Variants in SLC20A2 observed in about 807,000 individuals in gnomAD.
SLC20A2 encodes solute carrier family 20 member 2.
Under a neutral mutation model 61.0 loss-of-function variants are expected in SLC20A2, and 30 were observed. The observed-to-expected ratio is 0.49, with a 90% CI of 0.37 to 0.67. The LOEUF (loss-of-function observed/expected upper bound fraction) is 0.67, where lower values mean the gene tolerates loss of function less well. Among genes scored for constraint, SLC20A2 ranks in the 30% least tolerant of loss-of-function variants. SLC20A2 has a pLI of 0.00. For missense variants in SLC20A2, 626 were observed against 866.4 expected (o/e 0.72, Z 3.48); for synonymous variants, 351 against 353.3 (o/e 0.99, Z 0.07).
chr8:42,425,305 CA>C (rs1375284616), intron 10 of SLC20A2, among the ~76,000 whole-genome samples: 2 of 152,172 alleles, frequency 1.3e-5, no homozygotes, highest in Non-Finnish European at 2.9e-5. Flanking sequence ...AATACCCTTT[CA>C]ATGTTTCCAG....
intron 8 of SLC20A2, among the ~76,000 whole-genome samples, chr8:42,435,342 C>T (rs1804168221): frequency 6.6e-6 from 1 of 152,036 alleles, no homozygotes. Flanking sequence ...CGGCACAGTC[C>T]CCTGAAAGGT....
At chr8:42,506,380 T>A (rs1024641430) in intron 1 of SLC20A2, among the ~76,000 whole-genome samples, 1 of 152,200 alleles carries the variant, frequency 6.6e-6, no homozygotes, top group African/African-American at 2.4e-5. Context: ...AAAATGGGGA[T>A]AATGTTGCTG....
chr8:42,464,123 T>TTTTA (rs869138901), intron 3 of SLC20A2, among the ~76,000 whole-genome samples: 1 of 116,936 alleles, frequency 8.6e-6, no homozygotes, highest in African/African-American at 3.9e-5. Flanking sequence ...TTTTTTTTTT[T>TTTTA]GAGACAGGGT....
intron 2 of SLC20A2, among the ~76,000 whole-genome samples, chr8:42,469,468 G>C (rs774734863): frequency 5.9e-5 from 9 of 152,286 alleles, no homozygotes; most frequent in Admixed American, 4.6e-4. Context: ...GCCAGGGGTG[G>C]GGAACGGAGA....
Position 42,428,785 on chromosome 8 carries a change from C to A in SLC20A2, c.1767G>T (p.Gly589=). 4 of 1,611,322 alleles carry A rather than the reference C, an allele frequency of 2.5e-6. No individual in the cohort carries two copies. The highest frequency in any genetic ancestry group is 3.4e-6 in the Non-Finnish European group (4 of 1,178,876). ...AFTVVIASNI[G]LPVSTTHCKV... ...TACAGTGCGTGGTGCTGACTGGAAGCCCGATGTTGGAGGCGATCACCACTG... is the reference window on the plus strand; with the variant it reads ...TACAGTGCGTGGTGCTGACTGGAAGACCGATGTTGGAGGCGATCACCACTG... Residue 589 remains glycine, a synonymous_variant, in exon 10 of 11, where the codon GGG becomes GGT. Coordinates refer to ENST00000520262, the MANE Select transcript of SLC20A2 (RefSeq NM_001257180.2).
intron 1 of SLC20A2, among the ~76,000 whole-genome samples, chr8:42,526,455 C>T (rs1811946943): frequency 6.6e-6 from 1 of 151,996 alleles, no homozygotes; most frequent in Non-Finnish European, 1.5e-5. Flanking sequence ...GGGCGGATCA[C>T]TAGGTCAGGA....
At position 42,444,739 on chromosome 8, in the gene SLC20A2, A is replaced by C; in HGVS notation, c.637T>G (p.Trp213Gly). Residue 213 changes from tryptophan to glycine, a missense_variant, in exon 6 of 11, where the codon TGG (tryptophan) becomes GGG (glycine). Physicochemically the swap from Trp to Gly is radical, Grantham distance 184. Around this residue, in one of 3 missense-constraint regions of SLC20A2, gnomAD observed 361 missense variants for 422.3 expected, o/e 0.85. Coordinates refer to ENST00000520262, the MANE Select transcript of SLC20A2 (RefSeq NM_001257180.2). Reference sequence around the variant, plus strand: ...CCAAAGGAAATGAGGGCTATGGCCCACATGGGGAGAACAAGGCCGAGCACT... The same window carrying C: ...CCAAAGGAAATGAGGGCTATGGCCCCCATGGGGAGAACAAGGCCGAGCACT... ...APVLGLVLPM[W>G]AIALISFGVA... is the part of the protein sequence containing the mutation. 1 of 1,613,874 alleles carries C rather than the reference A, an allele frequency of 6.2e-7. No homozygotes were observed. Among genetic ancestry groups the C allele is most frequent in the Non-Finnish European group, 8.5e-7 (1 of 1,179,782 alleles).
rs1807904828 is a variant in SLC20A2 at position 42,474,556 on chromosome 8, G to A, written c.-264-1902C>T. Among the ~76,000 whole-genome samples, 3 of 152,066 alleles carry A rather than the reference G, an allele frequency of 2.0e-5. 1 individual carries two copies. The South Asian group carries it at 6.2e-4, about 31-fold the overall frequency. On this transcript the variant is annotated intron_variant, in intron 1 of 10. Coordinates refer to ENST00000520262, the MANE Select transcript of SLC20A2 (RefSeq NM_001257180.2). ...AATATGACAGGCACACTAAATCAAT[G>A]CATGAAAATCAAAACTTTAAAAATT... is the stretch of plus-strand genomic sequence containing the variant.
intron 1 of SLC20A2, among the ~76,000 whole-genome samples, chr8:42,508,304 C>A (rs1452081439): frequency 1.3e-5 from 2 of 152,206 alleles, no homozygotes; most frequent in African/African-American, 2.4e-5. Context: ...CATATTGAGA[C>A]CCTATCTCCA....
intron 1 of SLC20A2, among the ~76,000 whole-genome samples, chr8:42,484,255 T>C (rs1808770652): frequency 6.6e-6 from 1 of 152,218 alleles, no homozygotes; most frequent in Admixed American, 6.5e-5. Flanking sequence ...AAAACCTGAT[T>C]CTACTTCACT....
chr8:42,456,517 G>C (rs530397941), intron 5 of SLC20A2, among the ~76,000 whole-genome samples: 1 of 152,218 alleles, frequency 6.6e-6, no homozygotes, highest in Admixed American at 6.5e-5. Context: ...CGGATCACGA[G>C]GTCAGGAGTT....
At chr8:42,463,862 T>A (rs1287640473) in intron 3 of SLC20A2, among the ~76,000 whole-genome samples, 1 of 151,858 alleles carries the variant, frequency 6.6e-6, no homozygotes, top group Non-Finnish European at 1.5e-5. Flanking sequence ...TTGTAAAAAA[T>A]TGAGTAACCC....
chr8:42,488,727 T>C (rs546678759), intron 1 of SLC20A2, among the ~76,000 whole-genome samples: 1 of 152,264 alleles, frequency 6.6e-6, no homozygotes, highest in East Asian at 1.9e-4. Flanking sequence ...TGGTTTTATA[T>C]TTTTATATGA....
At chr8:42,476,681 T>C (rs986270892) in intron 1 of SLC20A2, among the ~76,000 whole-genome samples, 1 of 152,180 alleles carries the variant, frequency 6.6e-6, no homozygotes, top group Non-Finnish European at 1.5e-5. Context: ...ATTTCCACAA[T>C]TGTGCCTATG....
chr8:42,451,974 T>G (rs1454520444), intron 5 of SLC20A2, among the ~76,000 whole-genome samples: 37 of 49,608 alleles, frequency 7.5e-4, no homozygotes, highest in Admixed American at 1.4e-3. Context: ...GAGGAAGAGA[T>G]GAAGAGGAGG....
At chr8:42,448,643 T>A (rs1394796237) in intron 5 of SLC20A2, among the ~76,000 whole-genome samples, 1 of 151,984 alleles carries the variant, frequency 6.6e-6, no homozygotes, top group East Asian at 1.9e-4. Flanking sequence ...TGAAATCACC[T>A]CCCAGTCATG....
At chr8:42,442,841 G>T (rs1450244624) in intron 6 of SLC20A2, among the ~76,000 whole-genome samples, 1 of 152,044 alleles carries the variant, frequency 6.6e-6, no homozygotes, top group Non-Finnish European at 1.5e-5. Flanking sequence ...ATGTATTTTG[G>T]TCTTTTTCAA....
chr8:42,485,333 A>G (rs941025713), intron 1 of SLC20A2, among the ~76,000 whole-genome samples: 4 of 151,962 alleles, frequency 2.6e-5, no homozygotes, highest in Admixed American at 6.6e-5. Flanking sequence ...CTGTGCCTGC[A>G]TTTTTCCTTT....
chr8:42,429,463 CAT>C (rs1034703435), intron 9 of SLC20A2, among the ~76,000 whole-genome samples: 3 of 152,180 alleles, frequency 2.0e-5, no homozygotes, highest in African/African-American at 4.8e-5. Context: ...AAACTTCCCA[CAT>C]GTTTTAAAAA....
Sources: gnomAD v4.1 joint callset for allele counts (sites outside exome capture counted in the v4.1 genomes callset) on GRCh38, gnomAD v4.1.1 for gene constraint, gnomAD v4.1.1 regional missense constraint, MANE v1.5 for transcripts, NCBI Gene and HGNC (gene_info 2026-07-23, HGNC 2026-07-21) for gene names.